CTNNA2: variants seen among roughly 807,000 people sequenced by gnomAD.
The protein encoded by CTNNA2 is catenin alpha-2.
Under a neutral mutation model 101.0 loss-of-function variants are expected in CTNNA2, and 42 were observed. The observed-to-expected ratio is 0.42, with a 90% CI of 0.32 to 0.54. The LOEUF is 0.54. Ranked by LOEUF, CTNNA2 falls within the 20% of genes least tolerant of loss-of-function variation. The pLI, the probability that CTNNA2 is intolerant of heterozygous loss-of-function variation, is 0.14. For missense variants in CTNNA2, 871 were observed against 1,223.1 expected (o/e 0.71, Z 4.29); for synonymous variants, 450 against 456.4 (o/e 0.99, Z 0.18).
chr2:79,909,629 G>A lies in CTNNA2; in HGVS notation c.888G>A (p.Glu296=), dbSNP rs1685653679. 6.2e-7 allele frequency: 1 copy of A among 1,612,856 alleles called. No homozygotes were observed. The highest frequency in any genetic ancestry group is 8.5e-7 in the Non-Finnish European group (1 of 1,179,116). Residue 296 remains glutamate, a synonymous_variant, in exon 7 of 19, where the codon GAG becomes GAA. Coordinates refer to ENST00000402739, the MANE Select transcript of CTNNA2 (RefSeq NM_001282597.3). The stretch of plus-strand genomic sequence containing the variant: ...TCCTGGACCCCATGACGTTCAGCGA[G>A]GCCAGGTTCCGGCCGTCCCTGGAGG... ...KIILDPMTFS[E]ARFRPSLEER...
At chr2:79,620,877 A>G (rs1678952577) in intron 1 of CTNNA2, among the ~76,000 whole-genome samples, 1 of 152,232 alleles carries the variant, frequency 6.6e-6, no homozygotes, top group Non-Finnish European at 1.5e-5. Context: ...AAAGCTGACT[A>G]GAGCGTTAAA....
chr2:80,372,746 G>A (rs72912860), intron 7 of CTNNA2, among the ~76,000 whole-genome samples: 4,536 of 150,390 alleles, frequency 0.03, 233 homozygotes, highest in African/African-American at 0.1. Context: ...CTGTATCATA[G>A]CATTTGTCTT....
intron 7 of CTNNA2, among the ~76,000 whole-genome samples, chr2:80,125,834 G>A (rs1052110971): frequency 1.3e-5 from 2 of 152,118 alleles, no homozygotes; most frequent in Admixed American, 6.5e-5. Flanking sequence ...TTTGTGTAAG[G>A]CAAAATGATA....
At chr2:79,775,343 T>C (rs1673881375) in intron 3 of CTNNA2, among the ~76,000 whole-genome samples, 1 of 152,230 alleles carries the variant, frequency 6.6e-6, no homozygotes, top group Non-Finnish European at 1.5e-5. Flanking sequence ...GCTACCATTA[T>C]ATAATGATCT....
At chr2:79,211,774 T>A (rs1049915450) in intron 2 of CTNNA2, among the ~76,000 whole-genome samples, 1 of 152,164 alleles carries the variant, frequency 6.6e-6, no homozygotes, top group Non-Finnish European at 1.5e-5. Context: ...TCTTCTTATA[T>A]TAATAAGAAA....
chr2:80,308,470 G>T (rs1203351294), intron 7 of CTNNA2, among the ~76,000 whole-genome samples: 1 of 152,156 alleles, frequency 6.6e-6, no homozygotes, highest in Non-Finnish European at 1.5e-5. Flanking sequence ...CGGAGAGTGG[G>T]AGTCACAATT....
intron 7 of CTNNA2, among the ~76,000 whole-genome samples, chr2:80,020,485 G>A (rs1424683418): frequency 6.6e-6 from 1 of 152,072 alleles, no homozygotes; most frequent in Admixed American, 6.5e-5. Flanking sequence ...TTTTTTCAGT[G>A]CACCCAGAAA....
chr2:79,946,372 C>T (rs11897837), intron 7 of CTNNA2, among the ~76,000 whole-genome samples: 4,229 of 152,220 alleles, frequency 0.028, 189 homozygotes, highest in African/African-American at 0.096. Flanking sequence ...TTTGGAGACC[C>T]TTTGGCTCAC....
intron 2 of CTNNA2, among the ~76,000 whole-genome samples, chr2:79,294,238 A>AGAG (rs369054802): frequency 3.3e-4 from 49 of 149,870 alleles, no homozygotes; most frequent in Middle Eastern, 3.4e-3. Flanking sequence ...AAGAAGAAGA[A>AGAG]GAGGAGGAGG....
chr2:80,387,439 G>T (rs1214451337), intron 7 of CTNNA2, among the ~76,000 whole-genome samples: 2 of 152,140 alleles, frequency 1.3e-5, no homozygotes, highest in South Asian at 2.1e-4. Flanking sequence ...TTCAGAAGGG[G>T]TGATGGGTAT....
In CTNNA2 at chr2:79,390,247, A is replaced by G. The variant is rs1409621006; in HGVS notation, c.-135+16234A>G. ...TTTAAAACTTGATTGCTTAAATAGC[A>G]ATAAACAAACAACTAAACAGAACCT... On this transcript the variant is annotated intron_variant, in intron 4 of 21. Transcript: ENST00000466387. Among the ~76,000 whole-genome samples, 3 of 152,188 alleles carry G rather than the reference A, an allele frequency of 2.0e-5. No homozygotes were observed. In the South Asian group the frequency reaches 6.2e-4, roughly 32 times the overall value.
At chr2:79,539,749 A>G (rs893737934) in intron 1 of CTNNA2, among the ~76,000 whole-genome samples, 2 of 152,088 alleles carry the variant, frequency 1.3e-5, no homozygotes, top group South Asian at 4.2e-4. Context: ...GACCAGAACT[A>G]TCTGTCCTTC....
At chr2:79,215,664 G>A (rs958731712) in intron 2 of CTNNA2, among the ~76,000 whole-genome samples, 5 of 152,104 alleles carry the variant, frequency 3.3e-5, no homozygotes, top group African/African-American at 1.2e-4. Context: ...TGATGAAAAA[G>A]AGCCTAAACG....
At position 80,398,249 on chromosome 2, in the gene CTNNA2, G is replaced by A. The variant is rs151301776; in HGVS notation, c.1137+4958G>A. On this transcript the variant is annotated intron_variant, in intron 8 of 18. Transcript: ENST00000402739. ...GTTTTTCTCACATCTGCTCATGATA[G>A]GGCCAATTATTTTTAAGTTCATTGT... Among the ~76,000 whole-genome samples the A allele has an allele frequency of 3.9e-5, 6 of 152,248 alleles. No individual in the cohort carries two copies. The East Asian group carries it at 1.2e-3, about 29-fold the overall frequency.
At chr2:79,919,694 C>T (rs894022603) in intron 7 of CTNNA2, among the ~76,000 whole-genome samples, 2 of 152,226 alleles carry the variant, frequency 1.3e-5, no homozygotes, top group African/African-American at 2.4e-5. Context: ...GGAAAACCTT[C>T]CCTTTGAATT....
intron 1 of CTNNA2, chr2:79,523,276 C>A (rs1276997142): frequency 2.2e-6 from 1 of 448,312 alleles, no homozygotes; most frequent in East Asian, 7.1e-5. Flanking sequence ...TTTTGGGGGC[C>A]CCAGGAGACT....
intron 7 of CTNNA2, among the ~76,000 whole-genome samples, chr2:80,118,944 T>C (rs1417280357): frequency 1.3e-5 from 2 of 152,244 alleles, no homozygotes; most frequent in Non-Finnish European, 2.9e-5. Flanking sequence ...TCTTGTATTG[T>C]CTACTTCTCA....
intron 3 of CTNNA2, among the ~76,000 whole-genome samples, chr2:79,756,359 C>G (rs181125471): frequency 3.3e-5 from 5 of 152,182 alleles, no homozygotes; most frequent in Admixed American, 1.3e-4. Flanking sequence ...TTGATTACTT[C>G]TACAAATATT....
chr2:80,498,073 A>G (rs1051426862), intron 9 of CTNNA2, among the ~76,000 whole-genome samples: 1 of 152,190 alleles, frequency 6.6e-6, no homozygotes, highest in African/African-American at 2.4e-5. Context: ...AATGAATACA[A>G]TTCCAATTTC....
Sources: allele counts gnomAD v4.1 joint callset (sites outside exome capture counted in the v4.1 genomes callset), GRCh38; gene constraint gnomAD v4.1.1; transcripts MANE v1.5; gene names NCBI Gene and HGNC (gene_info 2026-07-23, HGNC 2026-07-21).